The following C6 variants were observed in gnomAD, a reference collection of about 807,000 sequenced individuals.
C6 encodes the protein complement C6, also known as complement component C6.
A neutral mutation model predicts 112.9 loss-of-function variants in C6; 101 were observed. That is an observed-to-expected ratio of 0.89 (90% CI 0.76 to 1.06). The LOEUF is 1.06. Among genes scored for constraint, C6 ranks in the 50% least tolerant of loss-of-function variants. The probability of loss-of-function intolerance (pLI) is 0.00; values close to 1 mark genes in which losing one functional copy is unlikely to be tolerated. For synonymous variants in C6, 431 were observed against 384.1 expected (o/e 1.12, Z -1.43); for missense variants, 1,202 against 1,104.6 (o/e 1.09, Z -1.25).
intron 1 of C6, among the ~76,000 whole-genome samples, chr5:41,204,252 C>A (rs780305810): frequency 1.3e-5 from 2 of 152,100 alleles, no homozygotes; most frequent in Non-Finnish European, 2.9e-5. Context: ...TAATACCTAC[C>A]TCATAAAGCT....
chr5:41,149,983 T>TGA lies in C6; in HGVS notation c.2332_2333insTC (p.Lys778IlefsTer48). 6.2e-7 allele frequency: 1 copy of TGA among 1,613,402 alleles called. No individual in the cohort carries two copies. The highest frequency in any genetic ancestry group is 8.5e-7 in the Non-Finnish European group (1 of 1,179,440). On this transcript the variant is annotated frameshift_variant, in exon 16 of 18. Coordinates refer to ENST00000337836, the MANE Select transcript of C6 (RefSeq NM_000065.5). LOFTEE classifies it high-confidence loss of function. The stretch of plus-strand genomic sequence containing the variant: ...ACAAATGCATTCAGATCCTGATTGT[T>TGA]TCTGTCCCAGCTGACAATGGCCTTT...
At chr5:41,145,693 G>A (rs139273480) in intron 17 of C6, among the ~76,000 whole-genome samples, 5 of 152,152 alleles carry the variant, frequency 3.3e-5, no homozygotes, top group East Asian at 1.9e-4. Flanking sequence ...ATGCATTTCC[G>A]TACTATGCTC....
intron 1 of C6, among the ~76,000 whole-genome samples, chr5:41,239,111 C>CTTTTTTTTTTT (rs34322889): frequency 4.1e-5 from 5 of 121,670 alleles, no homozygotes; most frequent in Non-Finnish European, 6.6e-5. Flanking sequence ...TCTTTTCTTT[C>CTTTTTTTTTTT]TTTTTTTTTT....
intron 1 of C6, among the ~76,000 whole-genome samples, chr5:41,255,711 G>A (rs1741652255): frequency 6.6e-6 from 1 of 152,168 alleles, no homozygotes. Flanking sequence ...ACGTGCTATA[G>A]GTCTGTCAAA....
chr5:41,218,255 C>T (rs1417103964), upstream of C6, among the ~76,000 whole-genome samples: 1 of 152,086 alleles, frequency 6.6e-6, no homozygotes, highest in Admixed American at 6.6e-5. Flanking sequence ...CTTGTTTATG[C>T]AGTCACGTAT....
intron 3 of C6, among the ~76,000 whole-genome samples, chr5:41,201,073 G>C (rs925211688): frequency 6.6e-6 from 1 of 151,690 alleles, no homozygotes; most frequent in Admixed American, 6.6e-5. Flanking sequence ...TTAAAATATT[G>C]TATAAATTAT....
intron 9 of C6, among the ~76,000 whole-genome samples, chr5:41,164,453 T>C (rs1156564749): frequency 2.6e-5 from 4 of 151,608 alleles, no homozygotes; most frequent in Non-Finnish European, 5.9e-5. Flanking sequence ...TAGGCATGAG[T>C]TTGAGTTGAA....
intron 1 of C6, among the ~76,000 whole-genome samples, chr5:41,241,422 G>A (rs964868076): frequency 4.6e-5 from 7 of 152,168 alleles, no homozygotes; most frequent in African/African-American, 1.7e-4. Flanking sequence ...CTGGGAGATA[G>A]TAAAACATGT....
intron 6 of C6, among the ~76,000 whole-genome samples, chr5:41,184,334 A>C (rs1173337809): frequency 6.6e-6 from 1 of 152,090 alleles, no homozygotes; most frequent in Non-Finnish European, 1.5e-5. Context: ...TTCTTGATAT[A>C]CTACAAATGT....
In C6 at chr5:41,142,685, A is replaced by C; in HGVS notation, c.*140T>G. ...ACAGGAGAGTCAGGGGAGAATAATG[A>C]TCTCAAACTAACAGAAAATAATTTT... On this transcript the variant is annotated 3_prime_UTR_variant, in exon 18 of 18. Coordinates refer to ENST00000337836, the MANE Select transcript of C6 (RefSeq NM_000065.5). 1.4e-6 allele frequency: 1 copy of C among 720,314 alleles called. No homozygotes were observed. Among genetic ancestry groups the C allele is most frequent in the Non-Finnish European group, 2.5e-6 (1 of 401,668 alleles). 44.6% of individuals were successfully genotyped at this position (720,314 alleles called of 1,614,324 possible).
rs957832609 is a variant in C6, at chr5:41,158,864, C to A, written c.1857-79G>T. 3.0e-6 allele frequency: 3 copies of A among 985,670 alleles called. No homozygotes were observed. In the African/African-American group the frequency reaches 4.8e-5, roughly 16 times the overall value. The allele number at this position is 985,670 out of a possible 1,614,324, so 61.1% of individuals were successfully genotyped here. A position where few individuals can be genotyped will look rare whatever the true frequency, so the allele number is the denominator to read the frequency against. On this transcript the variant is annotated intron_variant, in intron 12 of 17. Transcript: ENST00000337836. ...ATGTGTGTATATGCTTATGTGTATA[C>A]ATGTGTACACATTGCATACATATAT... is the stretch of plus-strand genomic sequence containing the variant.
At chr5:41,172,740 A>G in intron 8 of C6, 1 of 292,612 alleles carries the variant, frequency 3.4e-6, no homozygotes, top group Non-Finnish European at 6.7e-6. Flanking sequence ...CCTGCAAATC[A>G]AAAGATTATG....
intron 3 of C6, among the ~76,000 whole-genome samples, chr5:41,200,475 A>G (rs1166198271): frequency 3.3e-5 from 5 of 152,212 alleles, no homozygotes; most frequent in African/African-American, 1.2e-4. Flanking sequence ...TTATTAATTA[A>G]TGGGTGTATT....
At chr5:41,222,366 A>T (rs1739226796) in intron 1 of C6, among the ~76,000 whole-genome samples, 1 of 151,952 alleles carries the variant, frequency 6.6e-6, no homozygotes, top group Non-Finnish European at 1.5e-5. Flanking sequence ...TAATTTTTTA[A>T]ATATTACATT....
At position 41,149,388 on chromosome 5, in the gene C6, T is replaced by G. The variant is rs775058573; in HGVS notation, c.2476A>C (p.Asn826His). 2.5e-6 allele frequency: 4 copies of G among 1,614,130 alleles called. No individual in the cohort carries two copies. Among genetic ancestry groups the G allele is most frequent in the Non-Finnish European group, 3.4e-6 (4 of 1,179,988 alleles). Residue 826 changes from asparagine to histidine, a missense_variant, in exon 17 of 18, where the codon AAT becomes CAT. Transcript: ENST00000337836. ...ATATGTAGAAAATGGAGTTGCTGAT[T>G]ATTTAAACATTTCTCAGCCAAAAAC... ...CKFLAEKCLN[N>H]QQLHFLHIGS...
chr5:41,145,411 C>T (rs139279395), intron 17 of C6, among the ~76,000 whole-genome samples: 1 of 152,022 alleles, frequency 6.6e-6, no homozygotes, highest in Non-Finnish European at 1.5e-5. Flanking sequence ...CTGGATCAAC[C>T]GACTTGAAAT....
At position 41,199,957 on chromosome 5, in the gene C6, G is replaced by C. The variant is rs781768435; in HGVS notation, c.301-45C>G. ...AGATATAACTCTGAGGCAGGGTCAA[G>C]GTCAAAATGTACCTAAGAAAACTGG... On this transcript the variant is annotated intron_variant, in intron 3 of 17. Coordinates refer to ENST00000337836, the MANE Select transcript of C6 (RefSeq NM_000065.5). 1.6e-5 allele frequency: 26 copies of C among 1,601,686 alleles called. No individual in the cohort carries two copies. In the East Asian group the frequency reaches 5.1e-4, roughly 32 times the overall value.
intron 11 of C6, among the ~76,000 whole-genome samples, chr5:41,159,643 C>T (rs183917443): frequency 0.016 from 2,444 of 152,248 alleles, 25 homozygotes; most frequent in Non-Finnish European, 0.025. Flanking sequence ...TTCTTACTCC[C>T]ATGCCTTACC....
At chr5:41,152,568 GA>G (rs1746508298) in intron 15 of C6, among the ~76,000 whole-genome samples, 1 of 152,130 alleles carries the variant, frequency 6.6e-6, no homozygotes, top group African/African-American at 2.4e-5. Flanking sequence ...GCTCACGTAA[GA>G]AGCAAAAATA....
Sources: gnomAD v4.1 joint callset for allele counts (sites outside exome capture counted in the v4.1 genomes callset) on GRCh38, gnomAD v4.1.1 for gene constraint, MANE v1.5 for transcripts, NCBI Gene and HGNC (gene_info 2026-07-23, HGNC 2026-07-21) for gene names.